LIMCH1: variants seen among roughly 807,000 people sequenced by gnomAD.
LIMCH1 encodes LIM and calponin homology domains 1, also known as LIM and calponin homology domains-containing protein 1.
A neutral mutation model predicts 176.5 loss-of-function variants in LIMCH1; 113 were observed. The ratio of observed to expected loss-of-function variants is 0.64; its 90% CI spans 0.55 to 0.75. The LOEUF (loss-of-function observed/expected upper bound fraction) is 0.75. Among genes scored for constraint, LIMCH1 ranks in the 30% least tolerant of loss-of-function variants. LIMCH1 has a pLI of 0.00. For synonymous variants in LIMCH1, 619 were observed against 645.9 expected, an observed-to-expected ratio of 0.96 and a Z score of 0.63; for missense variants, 1,674 against 1,814.9, an observed-to-expected ratio of 0.92 and a Z score of 1.41.
At chr4:41,627,588 C>T (rs1379123663) in intron 8 of LIMCH1, among the ~76,000 whole-genome samples, 1 of 152,188 alleles carries the variant, frequency 6.6e-6, no homozygotes, top group African/African-American at 2.4e-5. Flanking sequence ...TCTATATGTT[C>T]TGTCATAGAA....
chr4:41,460,401 C>T (rs1005846485), intron 1 of LIMCH1, among the ~76,000 whole-genome samples: 4 of 142,350 alleles, frequency 2.8e-5, no homozygotes, highest in Non-Finnish European at 4.5e-5. Context: ...TACACGTTGG[C>T]CTTGGTCTGT....
chr4:41,560,648 G>A (rs1425524645), intron 1 of LIMCH1, among the ~76,000 whole-genome samples: 1 of 152,216 alleles, frequency 6.6e-6, no homozygotes, highest in East Asian at 1.9e-4. Context: ...CACTTTGGGA[G>A]GCTGAGGCAG....
chr4:41,499,284 C>T (rs2154178089), intron 2 of LIMCH1, among the ~76,000 whole-genome samples: 1 of 152,218 alleles, frequency 6.6e-6, no homozygotes, highest in East Asian at 1.9e-4. Context: ...ATCATTTTGC[C>T]ATATTTGCTT....
chr4:41,648,596 T>A (rs1354640317), intron 17 of LIMCH1, among the ~76,000 whole-genome samples: 3 of 150,938 alleles, frequency 2.0e-5, no homozygotes, highest in Non-Finnish European at 4.4e-5. Context: ...AAGGTCAAAG[T>A]AACATGCAAA....
At chr4:41,486,283 A>G (rs2154170209) in intron 1 of LIMCH1, among the ~76,000 whole-genome samples, 1 of 152,192 alleles carries the variant, frequency 6.6e-6, no homozygotes, top group East Asian at 1.9e-4. Context: ...GTCTTTGGAG[A>G]GTGATCATGA....
rs142641361 is a variant in LIMCH1, at chr4:41,497,770, A to C, written c.167+3164A>C. Among the ~76,000 whole-genome samples the C allele has an allele frequency of 2.0e-3, 297 of 150,424 alleles. 8 individuals carry two copies. The East Asian group carries it at 0.051, about 26-fold the overall frequency. ...CAGTGAGCTGGGATCGTGCTACTGT[A>C]CTCCAGCCTGGGCAACAAGAGCGAA... On this transcript the variant is annotated intron_variant, in intron 2 of 26. Coordinates refer to the LIMCH1 transcript ENST00000313860.
At chr4:41,562,255 T>G (rs2082165742) in intron 1 of LIMCH1, among the ~76,000 whole-genome samples, 1 of 152,204 alleles carries the variant, frequency 6.6e-6, no homozygotes, top group Non-Finnish European at 1.5e-5. Flanking sequence ...TTTAAAAATT[T>G]TATTTCACCA....
intron 1 of LIMCH1, among the ~76,000 whole-genome samples, chr4:41,369,903 G>C (rs1358942374): frequency 7.1e-6 from 1 of 140,068 alleles, no homozygotes; most frequent in Non-Finnish European, 1.5e-5. Context: ...CTGTGGCAGA[G>C]AAAATAGACT....
At position 41,379,634 on chromosome 4, in the gene LIMCH1, T is replaced by C. The variant is rs1321018339; in HGVS notation, c.96+18698T>C. ...TACACGATCAATATGTAATTTTAAC[T>C]GTAACTGGTCATTTATCATGTTTTA... On this transcript the variant is annotated intron_variant, in intron 1 of 26. Transcript: ENST00000313860. Among the ~76,000 whole-genome samples the C allele has an allele frequency of 2.6e-5, 4 of 152,226 alleles. No individual in the cohort carries two copies. The East Asian group carries it at 7.7e-4, about 29-fold the overall frequency.
intron 26 of LIMCH1, among the ~76,000 whole-genome samples, chr4:41,684,043 G>A (rs1718523384): frequency 6.6e-6 from 1 of 152,088 alleles, no homozygotes; most frequent in Admixed American, 6.6e-5. Context: ...CCACTGAAAG[G>A]CCAGTGAGTT....
intron 22 of LIMCH1, among the ~76,000 whole-genome samples, chr4:41,674,822 G>C (rs1280436676): frequency 1.3e-5 from 2 of 152,156 alleles, no homozygotes; most frequent in African/African-American, 4.8e-5. Context: ...GGCTGTTTGG[G>C]TATTTGAAGT....
chr4:41,583,783 C>CT (rs544573341), intron 1 of LIMCH1, among the ~76,000 whole-genome samples: 143 of 132,990 alleles, frequency 1.1e-3, no homozygotes, highest in East Asian at 5.4e-3. Context: ...CTCTCTCTCT[C>CT]TTTTTTTTTT....
intron 1 of LIMCH1, chr4:41,389,297 A>T (rs1348453205): frequency 6.6e-6 from 1 of 152,438 alleles, no homozygotes; most frequent in African/African-American, 2.4e-5. Flanking sequence ...TTACAGTGAA[A>T]CTGATAAGGC....
intron 20 of LIMCH1, among the ~76,000 whole-genome samples, chr4:41,665,423 G>A (rs772445886): frequency 6.6e-5 from 10 of 152,260 alleles, no homozygotes; most frequent in Admixed American, 5.2e-4. Context: ...TGGACACCTC[G>A]TTGACCTCTG....
chr4:41,496,777 G>A (rs1310864291), intron 2 of LIMCH1, among the ~76,000 whole-genome samples: 1 of 152,196 alleles, frequency 6.6e-6, no homozygotes, highest in African/African-American at 2.4e-5. Context: ...TCGTTTGATG[G>A]TGGGGGCCAA....
At chr4:41,630,873 G>A (rs1398478756) in intron 9 of LIMCH1, among the ~76,000 whole-genome samples, 1 of 152,162 alleles carries the variant, frequency 6.6e-6, no homozygotes, top group Non-Finnish European at 1.5e-5. Context: ...CCTTATACGT[G>A]TATACCTAAT....
intron 7 of LIMCH1, among the ~76,000 whole-genome samples, chr4:41,625,581 G>A (rs2092894926): frequency 6.6e-6 from 1 of 152,164 alleles, no homozygotes; most frequent in African/African-American, 2.4e-5. Flanking sequence ...TGGGTGGGGA[G>A]TGTCTTCAAA....
chr4:41,361,824 G>A (rs994218216), intron 1 of LIMCH1, among the ~76,000 whole-genome samples: 1 of 150,380 alleles, frequency 6.6e-6, no homozygotes, highest in Admixed American at 6.7e-5. Context: ...GAAGGGGAAA[G>A]GTGACCCCCT....
intron 4 of LIMCH1, chr4:41,612,747 G>C: frequency 2.9e-6 from 2 of 680,010 alleles, no homozygotes; most frequent in Non-Finnish European, 5.1e-6. Flanking sequence ...TCAGCCACAA[G>C]TGCTTTCAGC....
Sources: allele counts gnomAD v4.1 joint callset (sites outside exome capture counted in the v4.1 genomes callset), GRCh38; gene constraint gnomAD v4.1.1; transcripts MANE v1.5; gene names NCBI Gene and HGNC (gene_info 2026-07-23, HGNC 2026-07-21).